Variants in PTPRF observed in about 807,000 individuals in gnomAD.
PTPRF encodes receptor-type tyrosine-protein phosphatase F.
Under a neutral mutation model 201.8 loss-of-function variants are expected in PTPRF, and 59 were observed. That is an observed-to-expected ratio of 0.29 (90% confidence interval 0.24 to 0.36). The LOEUF (loss-of-function observed/expected upper bound fraction) is 0.36. Among genes scored for constraint, PTPRF ranks in the 10% least tolerant of loss-of-function variants. PTPRF has a pLI of 1.00. For missense variants in PTPRF, 2,132 were observed against 2,690.5 expected (o/e 0.79, Z 4.59); for synonymous variants, 1,088 against 1,089.7 (o/e 1.00, Z 0.03).
rs889259327 is a variant in PTPRF, at chr1:43,542,743, G to T, written c.-45-2288G>T. On this transcript the variant is annotated intron_variant, in intron 2 of 33. Coordinates refer to ENST00000359947, the MANE Select transcript of PTPRF (RefSeq NM_002840.5). This position sits in a 1 kb window ranked among gnomAD's most constrained non-coding sequence, Gnocchi z 5.2. The stretch of plus-strand genomic sequence containing the variant: ...GTCTGTACCCTCTGTGTCCGCCCAC[G>T]TGATGTCTAGACCACACCATTACAC... Among the ~76,000 whole-genome samples the T allele has an allele frequency of 6.6e-6, 1 of 152,112 alleles. No individual in the cohort carries two copies. The highest frequency in any genetic ancestry group is 1.5e-5 in the Non-Finnish European group (1 of 68,020).
chr1:43,597,245 CTG>C (rs35464570), intron 11 of PTPRF, among the ~76,000 whole-genome samples: 78 of 152,108 alleles, frequency 5.1e-4, no homozygotes, highest in African/African-American at 1.4e-3. Flanking sequence ...ATGTGTGAGA[CTG>C]TGTGTGTGAA....
chr1:43,594,023 A>G (rs1273057147), intron 11 of PTPRF, among the ~76,000 whole-genome samples: 3 of 152,094 alleles, frequency 2.0e-5, no homozygotes, highest in African/African-American at 7.2e-5. Context: ...TTGGGTAATT[A>G]CAGGTGCAAT....
chr1:43,547,746 C>T (rs1213969772), intron 3 of PTPRF, among the ~76,000 whole-genome samples: 3 of 152,210 alleles, frequency 2.0e-5, no homozygotes, highest in Non-Finnish European at 2.9e-5. Flanking sequence ...GGAGAAGCAG[C>T]TGCCAAGAGT....
intron 14 of PTPRF, 102 bp downstream of exon 14, chr1:43,602,199 CCA>C: frequency 7.2e-7 from 1 of 1,392,584 alleles, no homozygotes; most frequent in South Asian, 1.2e-5. Flanking sequence ...CTGCCAAGAT[CCA>C]CAGGGCTCTA....
chr1:43,611,005 A>G (rs1024899094), intron 22 of PTPRF, among the ~76,000 whole-genome samples: 5 of 152,192 alleles, frequency 3.3e-5, no homozygotes, highest in African/African-American at 7.2e-5. Flanking sequence ...AGCCTAAACT[A>G]TTTACGCTCT....
At chr1:43,621,509 G>GAAAAC (rs752058133) in intron 33 of PTPRF, among the ~76,000 whole-genome samples, 1 of 116,522 alleles carries the variant, frequency 8.6e-6, no homozygotes, top group African/African-American at 4.3e-5. Flanking sequence ...CCCTGTTGCT[G>GAAAAC]AAAACAAAAC....
chr1:43,531,406 C>T (rs926648655), intron 1 of PTPRF, among the ~76,000 whole-genome samples: 1 of 143,030 alleles, frequency 7.0e-6, no homozygotes, highest in Non-Finnish European at 1.5e-5. Flanking sequence ...CCCGCCCCCC[C>T]CACCCAGCGC....
chr1:43,540,286 C>G (rs553408388), intron 2 of PTPRF, among the ~76,000 whole-genome samples: 1 of 152,296 alleles, frequency 6.6e-6, no homozygotes, highest in Non-Finnish European at 1.5e-5. Flanking sequence ...TGGTCTACAG[C>G]CTCTTGCTGC....
At chr1:43,562,496 C>T (rs1348065396) in intron 5 of PTPRF, among the ~76,000 whole-genome samples, 3 of 151,974 alleles carry the variant, frequency 2.0e-5, no homozygotes. Context: ...ACCTCTGCCT[C>T]CTGGGTTGAA....
At chr1:43,595,317 T>C (rs539042481) in intron 11 of PTPRF, among the ~76,000 whole-genome samples, 113 of 152,160 alleles carry the variant, frequency 7.4e-4, no homozygotes, top group Non-Finnish European at 1.4e-3. Context: ...TGGGTTCAGG[T>C]GATTCTCCTG....
At chr1:43,610,622 G>T (rs559460052) in intron 22 of PTPRF, among the ~76,000 whole-genome samples, 1 of 152,258 alleles carries the variant, frequency 6.6e-6, no homozygotes, top group Non-Finnish European at 1.5e-5. Context: ...GCTCATGCCT[G>T]TGATCCCAGC....
intron 30 of PTPRF, 105 bp downstream of exon 30, chr1:43,620,326 G>C: frequency 1.9e-6 from 3 of 1,549,110 alleles, no homozygotes; most frequent in African/African-American, 1.4e-5. Flanking sequence ...CACCCCAGCT[G>C]CTTGTCAGCA....
chr1:43,565,386 G>C (rs1646090553), intron 5 of PTPRF, among the ~76,000 whole-genome samples: 1 of 152,248 alleles, frequency 6.6e-6, no homozygotes, highest in African/African-American at 2.4e-5. Context: ...GGCCAGCGCA[G>C]TTAGGTGCAG....
chr1:43,551,173 G>A (rs1302935567), intron 3 of PTPRF, among the ~76,000 whole-genome samples: 1 of 152,176 alleles, frequency 6.6e-6, no homozygotes, highest in Non-Finnish European at 1.5e-5. Flanking sequence ...TGTTAGGCCA[G>A]TGGAGTGCCA....
intron 5 of PTPRF, among the ~76,000 whole-genome samples, chr1:43,566,171 G>A (rs1042084915): frequency 5.3e-5 from 8 of 152,154 alleles, no homozygotes; most frequent in South Asian, 2.1e-4. Context: ...TCTCGCGCGC[G>A]GGGTGTTCAC....
chr1:43,546,225 G>C lies in PTPRF; in HGVS notation c.91+1059G>C, dbSNP rs1644666021. Among the ~76,000 whole-genome samples the C allele has an allele frequency of 6.6e-6, 1 of 152,196 alleles. No individual in the cohort carries two copies. The highest frequency in any genetic ancestry group is 2.4e-5 in the African/African-American group (1 of 41,440). On this transcript the variant is annotated intron_variant, in intron 3 of 33. Coordinates refer to ENST00000359947, the MANE Select transcript of PTPRF (RefSeq NM_002840.5). The surrounding 1 kb of genome is among the most constrained non-coding windows in gnomAD (Gnocchi z 4.2). ...TTATTCAGGAACTGATTCTGGAGTGGGGTGGGACTGGTGTGGTCCCGCCCT... is the reference window on the plus strand; with the variant it reads ...TTATTCAGGAACTGATTCTGGAGTGCGGTGGGACTGGTGTGGTCCCGCCCT...
chr1:43,603,425 A>G lies in PTPRF; in HGVS notation c.2350A>G (p.Ile784Val), dbSNP rs201466491. ...PEESEDYETT[I>V]SGLTPETTYS... The stretch of plus-strand genomic sequence containing the variant: ...CCTCCTCCTCCCTCAGGAAACCACT[A>G]TCAGCGGCCTGACCCCGGAGACCAC... Residue 784 changes from isoleucine (I) to valine (V), a missense_variant, in exon 15 of 34, where the codon ATC becomes GTC. Around this residue, in one of 6 missense-constraint regions of PTPRF, gnomAD observed 818 missense variants for 915.3 expected, o/e 0.89. Transcript: ENST00000359947. The surrounding 1 kb of genome is among the most constrained non-coding windows in gnomAD (Gnocchi z 5.8). 53 of 1,613,956 alleles carry G rather than the reference A, an allele frequency of 3.3e-5. No individual in the cohort carries two copies. In the East Asian group the frequency reaches 1.2e-3, roughly 36 times the overall value.
intron 5 of PTPRF, among the ~76,000 whole-genome samples, chr1:43,563,192 A>AAT (rs897389221): frequency 2.3e-5 from 3 of 128,386 alleles, no homozygotes; most frequent in Admixed American, 7.6e-5. Context: ...AAAAAAAAAA[A>AAT]AATAAGATTA....
intron 1 of PTPRF, among the ~76,000 whole-genome samples, chr1:43,531,756 G>GCCCTGGAGC (rs1643561490): frequency 6.6e-6 from 1 of 152,226 alleles, no homozygotes; most frequent in South Asian, 2.1e-4. Context: ...CGCCCTGGAG[G>GCCCTGGAGC]CCCTGGAGCG....
Sources: allele counts gnomAD v4.1 joint callset (sites outside exome capture counted in the v4.1 genomes callset), GRCh38; gene constraint gnomAD v4.1.1; regional missense constraint gnomAD v4.1.1; non-coding constraint Gnocchi (gnomAD v3.1); transcripts MANE v1.5; gene names NCBI Gene and HGNC (gene_info 2026-07-23, HGNC 2026-07-21).